The following PROX1 variants were observed in gnomAD, a reference collection of about 807,000 sequenced individuals.
PROX1 encodes the protein prospero homeobox protein 1.
Under a neutral mutation model 58.8 loss-of-function variants are expected in PROX1, and 7 were observed. That is an observed-to-expected ratio of 0.12 (90% CI 0.07 to 0.22). PROX1 has a LOEUF of 0.22. Ranked by LOEUF, PROX1 falls within the 10% of genes least tolerant of loss-of-function variation. PROX1 has a pLI of 1.00. For missense variants in PROX1, 675 were observed against 927.8 expected, an observed-to-expected ratio of 0.73 and a Z score of 3.54; for synonymous variants, 350 against 358.3, an observed-to-expected ratio of 0.98 and a Z score of 0.26.
chr1:214,009,209 A>G (rs1663822792), intron 3 of PROX1, among the ~76,000 whole-genome samples: 1 of 152,098 alleles, frequency 6.6e-6, no homozygotes, highest in East Asian at 1.9e-4. Context: ...AATATTTAGG[A>G]AGTTTCTTCA....
intron 2 of PROX1, among the ~76,000 whole-genome samples, chr1:214,004,809 A>T (rs1166923424): frequency 6.6e-6 from 1 of 152,226 alleles, no homozygotes. Flanking sequence ...CTCTTATGAC[A>T]AGAGTTGTGT....
intron 4 of PROX1, among the ~76,000 whole-genome samples, chr1:214,033,570 C>A (rs1294620693): frequency 1.3e-5 from 2 of 152,192 alleles, no homozygotes; most frequent in Non-Finnish European, 2.9e-5. Flanking sequence ...TGCACTCCAG[C>A]CTGGGTGACA....
intron 3 of PROX1, among the ~76,000 whole-genome samples, chr1:214,005,931 T>TGTGTGTGTATGC (rs1184791186): frequency 2.0e-5 from 3 of 150,854 alleles, no homozygotes; most frequent in Non-Finnish European, 4.4e-5. Context: ...TGGTTCTCTC[T>TGTGTGTGTATGC]GTGTGTGTAT....
intron 1 of PROX1, among the ~76,000 whole-genome samples, chr1:213,995,587 G>GAT (rs1203430529): frequency 6.6e-6 from 1 of 151,790 alleles, no homozygotes; most frequent in Non-Finnish European, 1.5e-5. Context: ...TAGTCCTGAA[G>GAT]ATATATTTAT....
chr1:213,988,947 G>T (rs1461023652), intron 1 of PROX1, among the ~76,000 whole-genome samples: 1 of 151,678 alleles, frequency 6.6e-6, no homozygotes, highest in Non-Finnish European at 1.5e-5. Flanking sequence ...TTTTTTGTTC[G>T]TGGAGATCCC....
intron 4 of PROX1, among the ~76,000 whole-genome samples, chr1:214,031,507 C>T (rs1189165570): frequency 2.6e-5 from 4 of 152,154 alleles, no homozygotes; most frequent in African/African-American, 2.4e-5. Flanking sequence ...TCCCCAGCCG[C>T]CTGCATTGTC....
At chr1:214,005,636 T>C (rs1663682615) in intron 3 of PROX1, among the ~76,000 whole-genome samples, 2 of 152,238 alleles carry the variant, frequency 1.3e-5, no homozygotes, top group South Asian at 4.1e-4. Flanking sequence ...TGTTTTTGTT[T>C]CTGTTGGTTT....
In PROX1 at chr1:214,039,550, T is replaced by C. The variant is rs1242099969; in HGVS notation, c.*3716T>C. ...CTCATGGCTGTCATTATGTAAGACA[T>C]GAGATTTTAATAAATAACTACATTC... On this transcript the variant is annotated 3_prime_UTR_variant, in exon 5 of 5. Transcript: ENST00000366958. 6.6e-6 allele frequency: 1 copy of C among 152,180 alleles called. No homozygotes were observed. The highest frequency in any genetic ancestry group is 1.9e-4 in the East Asian group (1 of 5,190). The allele number at this position is 152,180 out of a possible 1,614,324, so 9.4% of individuals were successfully genotyped here.
Position 213,998,361 on chromosome 1 carries a change from T to C in PROX1, c.1725+101T>C, listed in dbSNP as rs1663366007. The C allele has an allele frequency of 3.0e-6, 4 of 1,320,346 alleles. No individual in the cohort carries two copies. In the East Asian group the frequency reaches 9.5e-5, roughly 31 times the overall value. 81.8% of individuals were successfully genotyped at this position (1,320,346 alleles called of 1,614,324 possible). ...TAGAGTAATGTAGATTAGTATCTTCTTAAGAAGGCAACCTTTCCCATTATT... is the reference window on the plus strand; with the variant it reads ...TAGAGTAATGTAGATTAGTATCTTCCTAAGAAGGCAACCTTTCCCATTATT... On this transcript the variant is annotated intron_variant, in intron 2 of 4. Coordinates refer to ENST00000366958, the MANE Select transcript of PROX1 (RefSeq NM_001270616.2).
At chr1:214,002,660 G>A (rs777892746) in intron 2 of PROX1, among the ~76,000 whole-genome samples, 7 of 151,932 alleles carry the variant, frequency 4.6e-5, no homozygotes, top group Middle Eastern at 3.4e-3. Flanking sequence ...AGCTTAGCTC[G>A]TGTTCAGTAC....
intron 1 of PROX1, among the ~76,000 whole-genome samples, chr1:213,990,261 G>T (rs1354812959): frequency 6.6e-6 from 1 of 151,876 alleles, no homozygotes; most frequent in Non-Finnish European, 1.5e-5. Context: ...TGTCAAGAAA[G>T]ACAGGTGCAA....
At chr1:213,993,295 AT>A (rs1663103783) in intron 1 of PROX1, among the ~76,000 whole-genome samples, 1 of 152,216 alleles carries the variant, frequency 6.6e-6, no homozygotes, top group African/African-American at 2.4e-5. Flanking sequence ...ACCAGTGTTG[AT>A]CAAAAGCTTC....
chr1:213,988,787 A>AT (rs1174350767), intron 1 of PROX1: 2 of 150,778 alleles, frequency 1.3e-5, no homozygotes, highest in South Asian at 2.1e-4. Flanking sequence ...GGCGGTGGCG[A>AT]TGGGGGGGAG....
At chr1:214,020,559 G>A (rs1291648150) in intron 4 of PROX1, among the ~76,000 whole-genome samples, 1 of 152,192 alleles carries the variant, frequency 6.6e-6, no homozygotes, top group Non-Finnish European at 1.5e-5. Context: ...TTTTGTGAAG[G>A]TGTACTGGTT....
Position 214,036,633 on chromosome 1 carries a change from T to G in PROX1, c.*799T>G, listed in dbSNP as rs1364937747. The G allele has an allele frequency of 6.6e-6, 1 of 152,180 alleles. No homozygotes were observed. The allele number at this position is 152,180 out of a possible 1,614,324, so 9.4% of individuals were successfully genotyped here. On this transcript the variant is annotated 3_prime_UTR_variant, in exon 5 of 5. Transcript: ENST00000366958. The stretch of plus-strand genomic sequence containing the variant: ...TTACATCATTCTTCATAAAGAAAAA[T>G]CCTATAACTTGTTATCATTTTTGCT...
At position 214,018,208 on chromosome 1, in the gene PROX1, G is replaced by A. The variant is rs377458053; in HGVS notation, c.2028+6493G>A. ...TTCTTCATTTTTCCCCCCGCAGGAT[G>A]TTATTTAACTTGAACTGTTTGGTTC... On this transcript the variant is annotated intron_variant, in intron 4 of 4. Transcript: ENST00000366958. Among the ~76,000 whole-genome samples, 11 of 152,288 alleles carry A rather than the reference G, an allele frequency of 7.2e-5. No individual in the cohort carries two copies. In the East Asian group the frequency reaches 7.7e-4, roughly 11 times the overall value.
rs1663270532 is a variant in PROX1 at position 213,996,593 on chromosome 1, G to T, written c.58G>T (p.Asp20Tyr). The change falls in exon 2 of 5, where the codon GAC (aspartate) becomes TAC (tyrosine). Residue 20 changes from aspartate (D) to tyrosine (Y), a missense_variant. Around this residue, in one of 8 missense-constraint regions of PROX1, gnomAD observed 157 missense variants for 197.8 expected, o/e 0.79. Transcript: ENST00000366958. ...CCGGCAAACCAAGAGGAGAAGAGTT[G>T]ACATTGGAGTGAAAAGGACGGTAGG... is the stretch of plus-strand genomic sequence containing the variant. ...LSRQTKRRRV[D>Y]IGVKRTVGTA... The T allele has an allele frequency of 6.2e-7, 1 of 1,614,010 alleles. No homozygotes were observed. The highest frequency in any genetic ancestry group is 1.3e-5 in the African/African-American group (1 of 74,896).
Position 214,040,861 on chromosome 1 carries a change from A to G in PROX1, c.*5027A>G, listed in dbSNP as rs1664987390. 1 of 151,994 alleles carries G rather than the reference A, an allele frequency of 6.6e-6. No homozygotes were observed. Among genetic ancestry groups the G allele is most frequent in the Admixed American group, 6.6e-5 (1 of 15,246 alleles). The allele number at this position is 151,994 out of a possible 1,614,324, so 9.4% of individuals were successfully genotyped here. On this transcript the variant is annotated 3_prime_UTR_variant, in exon 5 of 5. Transcript: ENST00000366958. ...TTATTGGTTTAATTTATCCTAATTT[A>G]TTTGATGAAGGTGTACAATTTTGTA...
upstream of PROX1, chr1:213,987,630 C>G (rs1253903983): frequency 2.1e-5 from 3 of 146,286 alleles, no homozygotes; most frequent in African/African-American, 7.5e-5. Flanking sequence ...CGCCGTCTCC[C>G]GCTTTGCATA....
Sources: gnomAD v4.1 joint callset for allele counts (sites outside exome capture counted in the v4.1 genomes callset) on GRCh38, gnomAD v4.1.1 for gene constraint, gnomAD v4.1.1 regional missense constraint, MANE v1.5 for transcripts, NCBI Gene and HGNC (gene_info 2026-07-23, HGNC 2026-07-21) for gene names.